JMJD1C: variants seen among roughly 807,000 people sequenced by gnomAD.
The protein encoded by JMJD1C is jumonji domain containing 1C.
JMJD1C carries 31 observed loss-of-function variants against 245.3 expected under a neutral mutation model. That is an observed-to-expected ratio of 0.13 (90% CI 0.09 to 0.17). The LOEUF (loss-of-function observed/expected upper bound fraction) is 0.17. Ranked by LOEUF, JMJD1C falls within the 10% of genes least tolerant of loss-of-function variation. The probability of loss-of-function intolerance (pLI) is 1.00; values close to 1 mark genes in which losing one functional copy is unlikely to be tolerated. For synonymous variants in JMJD1C, 1,057 were observed against 1,017.4 expected (o/e 1.04, Z -0.74); for missense variants, 2,691 against 3,000.2 (o/e 0.90, Z 2.41).
At position 63,219,880 on chromosome 10, in the gene JMJD1C, T is replaced by C; in HGVS notation, c.551A>G (p.Gln184Arg). ...ATGCATAACTTCAAAATAGTTACCT[T>C]GCATAAAAATCTCCTGAACCTTTTG... ...KEQKVQEIFM[Q>R]GPYSLNGYRV... is the part of the protein sequence containing the mutation. Residue 184 changes from glutamine to arginine, a missense_variant and splice_region_variant, in exon 4 of 26, where the codon CAA becomes CGA. Coordinates refer to ENST00000399262, the MANE Select transcript of JMJD1C (RefSeq NM_032776.3). The C allele has an allele frequency of 6.2e-7, 1 of 1,609,810 alleles. No homozygotes were observed. Among genetic ancestry groups the C allele is most frequent in the Non-Finnish European group, 8.5e-7 (1 of 1,176,690 alleles).
chr10:63,463,852 C>A (rs1373940322), intron 1 of JMJD1C, among the ~76,000 whole-genome samples: 1 of 152,196 alleles, frequency 6.6e-6, no homozygotes, highest in Non-Finnish European at 1.5e-5. Flanking sequence ...TCTTTCCAGT[C>A]AATCTCTACC....
chr10:63,324,056 T>C (rs921843250), intron 2 of JMJD1C, among the ~76,000 whole-genome samples: 3 of 147,796 alleles, frequency 2.0e-5, no homozygotes, highest in African/African-American at 5.1e-5. Flanking sequence ...TTTTTTTTTT[T>C]CTATGTGGGC....
At chr10:63,230,566 T>G (rs546672319) in intron 3 of JMJD1C, among the ~76,000 whole-genome samples, 3 of 152,234 alleles carry the variant, frequency 2.0e-5, no homozygotes, top group African/African-American at 7.2e-5. Context: ...CAATTGGAGC[T>G]TTAAGTTGCA....
At chr10:63,360,514 A>G (rs1033499325) in intron 2 of JMJD1C, among the ~76,000 whole-genome samples, 2 of 152,222 alleles carry the variant, frequency 1.3e-5, no homozygotes, top group Non-Finnish European at 2.9e-5. Flanking sequence ...AATCTTGGTA[A>G]GACTAAACTT....
At chr10:63,514,281 A>G (rs1229094241) in intron 1 of JMJD1C, among the ~76,000 whole-genome samples, 1 of 152,224 alleles carries the variant, frequency 6.6e-6, no homozygotes, top group Non-Finnish European at 1.5e-5. Flanking sequence ...ATTACCAGGT[A>G]TACAACCAAA....
At chr10:63,501,516 G>A (rs892919001) in intron 1 of JMJD1C, among the ~76,000 whole-genome samples, 4 of 152,118 alleles carry the variant, frequency 2.6e-5, no homozygotes, top group African/African-American at 9.7e-5. Flanking sequence ...GGTGGCTCAC[G>A]CCTGTAATCC....
intron 1 of JMJD1C, among the ~76,000 whole-genome samples, chr10:63,419,660 A>T (rs7068312): frequency 0.022 from 3,274 of 152,148 alleles, 120 homozygotes; most frequent in African/African-American, 0.073. Flanking sequence ...GAAAGGCTAT[A>T]TCCTGGGAGC....
At chr10:63,454,710 C>T (rs1952297207) in intron 1 of JMJD1C, among the ~76,000 whole-genome samples, 1 of 152,206 alleles carries the variant, frequency 6.6e-6, no homozygotes, top group Admixed American at 6.5e-5. Context: ...AGATTACAGG[C>T]ATGAGCTACT....
intron 1 of JMJD1C, among the ~76,000 whole-genome samples, chr10:63,422,957 C>CTTTTTTTTT (rs34111309): frequency 6.8e-6 from 1 of 147,020 alleles, no homozygotes. Flanking sequence ...GTTACCAAAA[C>CTTTTTTTTT]TTTTTTTTTT....
At chr10:63,304,411 A>T (rs901679337) in intron 2 of JMJD1C, among the ~76,000 whole-genome samples, 1 of 98,862 alleles carries the variant, frequency 1.0e-5, no homozygotes, top group Admixed American at 9.5e-5. Flanking sequence ...CCAGGAATTT[A>T]AAAAAAACAA....
At chr10:63,416,152 G>T (rs1229468473) in intron 1 of JMJD1C, among the ~76,000 whole-genome samples, 1 of 151,986 alleles carries the variant, frequency 6.6e-6, no homozygotes, top group South Asian at 2.1e-4. Flanking sequence ...AACCAAAGAC[G>T]ATACTTGCGA....
intron 2 of JMJD1C, among the ~76,000 whole-genome samples, chr10:63,286,961 AAAG>A (rs1299743638): frequency 2.6e-5 from 4 of 152,220 alleles, no homozygotes; most frequent in African/African-American, 9.6e-5. Context: ...AAGTGCCTCA[AAAG>A]AAGACACGAG....
intron 1 of JMJD1C, chr10:63,427,770 T>G: frequency 7.4e-7 from 1 of 1,353,608 alleles, no homozygotes; most frequent in Non-Finnish European, 1.1e-6. Flanking sequence ...TGACCAAGAC[T>G]ATGAAGGGTT....
chr10:63,203,486 A>T, intron 10 of JMJD1C: 1 of 984,872 alleles, frequency 1.0e-6, no homozygotes, highest in Non-Finnish European at 1.2e-6. Flanking sequence ...CCCCTTAAAA[A>T]ATATTTTTTT....
chr10:63,225,445 T>C (rs533769391), intron 3 of JMJD1C, among the ~76,000 whole-genome samples: 5 of 152,334 alleles, frequency 3.3e-5, no homozygotes, highest in Admixed American at 2.0e-4. Context: ...ACATGAACTC[T>C]AATTGAACAT....
At chr10:63,205,004 C>CT in intron 10 of JMJD1C, 8 of 985,320 alleles carry the variant, frequency 8.1e-6, no homozygotes, top group Non-Finnish European at 9.6e-6. Context: ...CATAGTGAAA[C>CT]TAAGTGCTTT....
chr10:63,423,043 C>A (rs1314763421), intron 1 of JMJD1C, among the ~76,000 whole-genome samples: 1 of 151,618 alleles, frequency 6.6e-6, no homozygotes. Flanking sequence ...CGGCTCACTG[C>A]AAACTTTGCC....
intron 2 of JMJD1C, among the ~76,000 whole-genome samples, chr10:63,289,425 A>T (rs1342111553): frequency 6.6e-6 from 1 of 152,206 alleles, no homozygotes; most frequent in Non-Finnish European, 1.5e-5. Flanking sequence ...AAATAAAAAA[A>T]TGTAAATTTG....
At chr10:63,291,614 T>TAA (rs10650646) in intron 2 of JMJD1C, among the ~76,000 whole-genome samples, 20,107 of 142,872 alleles carry the variant, frequency 0.14, 3,231 homozygotes, top group African/African-American at 0.4. Flanking sequence ...AAACTCCATC[T>TAA]AAAAAAAAAA....
Sources: allele counts gnomAD v4.1 joint callset (sites outside exome capture counted in the v4.1 genomes callset), GRCh38; gene constraint gnomAD v4.1.1; transcripts MANE v1.5; gene names NCBI Gene and HGNC (gene_info 2026-07-23, HGNC 2026-07-21).